The following ABCA9 variants were observed in gnomAD, a reference collection of about 807,000 sequenced individuals.
The protein encoded by ABCA9 is ATP binding cassette subfamily A member 9.
Under a neutral mutation model 205.3 loss-of-function variants are expected in ABCA9, and 183 were observed. The ratio of observed to expected loss-of-function variants is 0.89; its 90% CI spans 0.79 to 1.01. The LOEUF (loss-of-function observed/expected upper bound fraction) is 1.01, where lower values mean the gene tolerates loss of function less well. Ranked by LOEUF, ABCA9 falls within the 50% of genes least tolerant of loss-of-function variation. The pLI is 0.00. For missense variants in ABCA9, 1,805 were observed against 1,912.4 expected, an observed-to-expected ratio of 0.94 and a Z score of 1.05; for synonymous variants, 651 against 683.3, an observed-to-expected ratio of 0.95 and a Z score of 0.74.
At chr17:69,016,121 TATACACACAC>T (rs1180907111) in intron 22 of ABCA9, 122 bp downstream of exon 22, 14 of 238,892 alleles carry the variant, frequency 5.9e-5, no homozygotes, top group Non-Finnish European at 6.3e-5. Flanking sequence ...TATATATATA[TATACACACAC>T]ACACACACAC....
At chr17:69,058,373 G>A (rs953676074) in intron 1 of ABCA9, among the ~76,000 whole-genome samples, 1 of 152,024 alleles carries the variant, frequency 6.6e-6, no homozygotes, top group African/African-American at 2.4e-5. Flanking sequence ...TGAATATGCT[G>A]ACCCCTTCTG....
At chr17:69,031,975 G>T in intron 10 of ABCA9, 133 bp downstream of exon 10, 2 of 700,782 alleles carry the variant, frequency 2.9e-6, no homozygotes, top group Non-Finnish European at 2.4e-6. Context: ...TATAGCCTTT[G>T]ATGAGTGCAG....
At chr17:69,063,759 A>G (rs1313408439), upstream of ABCA9, among the ~76,000 whole-genome samples, 1 of 152,074 alleles carries the variant, frequency 6.6e-6, no homozygotes, top group Non-Finnish European at 1.5e-5. Flanking sequence ...TTTTTAGTAG[A>G]GACAGGGTTT....
chr17:69,078,875 G>T, the ABCA9 span: 1 of 687,160 alleles, frequency 1.5e-6, no homozygotes, highest in Non-Finnish European at 2.2e-6. Flanking sequence ...TATACCTGAT[G>T]TTAATTTTAA....
chr17:68,979,865 C>T (rs977114163), intron 37 of ABCA9, among the ~76,000 whole-genome samples: 1 of 152,154 alleles, frequency 6.6e-6, no homozygotes, highest in Non-Finnish European at 1.5e-5. Flanking sequence ...ATTTAGGACA[C>T]AGGCAGGGGC....
Position 69,027,774 on chromosome 17 carries a change from C to A in ABCA9, c.1657G>T (p.Asp553Tyr), listed in dbSNP as rs1249897360. ...GTGAACTTGCTGATATTTTCTATAT[C>A]AGCCATTCTTGAAAGTGTGTGATTA... ...VYNHTLSRMA[D>Y]IENISKFTGF... The change falls in exon 13 of 39, where the codon GAT becomes TAT. Residue 553 changes from aspartate to tyrosine, a missense_variant. Physicochemically the swap from Asp to Tyr is radical, Grantham distance 160. Transcript: ENST00000340001. 1 of 1,612,464 alleles carries A rather than the reference C, an allele frequency of 6.2e-7. No homozygotes were observed. The highest frequency in any genetic ancestry group is 8.5e-7 in the Non-Finnish European group (1 of 1,179,318).
intron 19 of ABCA9, among the ~76,000 whole-genome samples, chr17:69,019,238 A>T (rs1183694116): frequency 6.6e-6 from 1 of 152,110 alleles, no homozygotes; most frequent in Non-Finnish European, 1.5e-5. Context: ...TTGCACAATT[A>T]CCCAATTAAG....
intron 21 of ABCA9, 105 bp downstream of exon 21, chr17:69,017,551 A>G: frequency 7.7e-7 from 1 of 1,293,166 alleles, no homozygotes; most frequent in Non-Finnish European, 1.1e-6. Flanking sequence ...GAACTATCCC[A>G]TTTGTTTGTG....
chr17:68,980,513 T>C (rs1378125066), intron 37 of ABCA9, among the ~76,000 whole-genome samples: 2 of 152,006 alleles, frequency 1.3e-5, no homozygotes, highest in South Asian at 2.1e-4. Flanking sequence ...CTATTCACAA[T>C]AGCAAAGACT....
At chr17:68,989,353 A>T (rs1229480016) in intron 30 of ABCA9, among the ~76,000 whole-genome samples, 1 of 151,930 alleles carries the variant, frequency 6.6e-6, no homozygotes, top group African/African-American at 2.4e-5. Flanking sequence ...CTTAAAGAGG[A>T]TAAATAAGTT....
At chr17:68,984,255 C>A (rs1044481515) in intron 34 of ABCA9, 80 bp from the exon 35 acceptor site, 2 of 1,562,778 alleles carry the variant, frequency 1.3e-6, no homozygotes, top group Non-Finnish European at 8.7e-7. Context: ...TTTCCATCGA[C>A]GCAAAGATGA....
At chr17:69,050,889 C>A in intron 2 of ABCA9, 142 bp downstream of exon 2, 6 of 610,718 alleles carry the variant, frequency 9.8e-6, no homozygotes, top group South Asian at 6.1e-5. Flanking sequence ...ATAGCAAAGC[C>A]CAGAATTTGA....
At chr17:68,988,033 G>C (rs1391998228) in intron 31 of ABCA9, among the ~76,000 whole-genome samples, 1 of 152,052 alleles carries the variant, frequency 6.6e-6, no homozygotes, top group Non-Finnish European at 1.5e-5. Flanking sequence ...CAAAGTTCTG[G>C]GATTACAGGC....
chr17:69,024,131 A>T, intron 17 of ABCA9, 83 bp downstream of exon 17: 2 of 1,460,694 alleles, frequency 1.4e-6, no homozygotes, highest in Non-Finnish European at 1.9e-6. Context: ...AGCAAGCATT[A>T]AAACTAGCCA....
At position 69,043,619 on chromosome 17, in the gene ABCA9, C is replaced by A. The variant is rs2071619767; in HGVS notation, c.670G>T (p.Asp224Tyr). The stretch of plus-strand genomic sequence containing the variant: ...ATAATGCAAAAGAAAATGAAAAAAT[C>A]AGTTGCAACTCCTCCTTGGGCAACA... ...PFVAQGGVAT[D>Y]FFIFFCIISF... is the part of the protein sequence containing the mutation. Residue 224 changes from aspartate (D) to tyrosine (Y), a missense_variant, in exon 6 of 39, where the codon GAT becomes TAT. Transcript: ENST00000340001. 2 of 1,613,606 alleles carry A rather than the reference C, an allele frequency of 1.2e-6. No individual in the cohort carries two copies. The highest frequency in any genetic ancestry group is 1.7e-6 in the Non-Finnish European group (2 of 1,179,786).
intron 25 of ABCA9, among the ~76,000 whole-genome samples, chr17:69,001,601 G>A (rs1049088964): frequency 3.4e-4 from 51 of 151,604 alleles, no homozygotes; most frequent in Admixed American, 2.0e-3. Context: ...GTCTCTGCCC[G>A]GCTTTGGTAT....
intron 22 of ABCA9, among the ~76,000 whole-genome samples, chr17:69,013,979 T>C (rs1190191132): frequency 6.6e-6 from 1 of 152,114 alleles, no homozygotes; most frequent in Non-Finnish European, 1.5e-5. Context: ...TAGCCAATAT[T>C]CTGTAGTGAA....
the ABCA9 span, among the ~76,000 whole-genome samples, chr17:69,077,139 G>T: frequency 6.6e-6 from 1 of 152,050 alleles, no homozygotes; most frequent in Non-Finnish European, 1.5e-5. Context: ...TTCGAAGTAG[G>T]TATTTAGTGC....
the ABCA9 span, among the ~76,000 whole-genome samples, chr17:69,075,210 G>A: frequency 3.3e-5 from 5 of 152,238 alleles, no homozygotes; most frequent in African/African-American, 7.2e-5. Context: ...TTACTCTGTT[G>A]ATAGTTTCTT....
Sources: allele counts gnomAD v4.1 joint callset (sites outside exome capture counted in the v4.1 genomes callset), GRCh38; gene constraint gnomAD v4.1.1; transcripts MANE v1.5; gene names NCBI Gene and HGNC (gene_info 2026-07-23, HGNC 2026-07-21).